The following ADK variants were observed in gnomAD, a reference collection of about 807,000 sequenced individuals.
ADK encodes N6,N6-dimethyladenosine kinase.
In ADK, 24 loss-of-function variants were observed where a neutral mutation model predicts 44.7. The ratio of observed to expected loss-of-function variants is 0.54; its 90% CI spans 0.39 to 0.76. The LOEUF (loss-of-function observed/expected upper bound fraction) is 0.76, where lower values mean the gene tolerates loss of function less well. Ranked by LOEUF, ADK falls within the 30% of genes least tolerant of loss-of-function variation. The pLI is 0.00. For missense variants in ADK, 321 were observed against 425.1 expected, an observed-to-expected ratio of 0.76 and a Z score of 2.15; for synonymous variants, 128 against 142.6, an observed-to-expected ratio of 0.90 and a Z score of 0.73.
chr10:74,626,086 A>G (rs1853191818), intron 9 of ADK, among the ~76,000 whole-genome samples: 2 of 152,310 alleles, frequency 1.3e-5, no homozygotes, highest in South Asian at 4.1e-4. Flanking sequence ...AATTCTGGTA[A>G]TAGACTCTAG....
At chr10:74,510,904 C>T (rs1490658384) in intron 6 of ADK, among the ~76,000 whole-genome samples, 1 of 152,086 alleles carries the variant, frequency 6.6e-6, no homozygotes, top group Non-Finnish European at 1.5e-5. Context: ...GATAGGGTTT[C>T]ACCATGTTGT....
At chr10:74,547,025 A>AT (rs1306984889) in intron 7 of ADK, among the ~76,000 whole-genome samples, 1 of 152,048 alleles carries the variant, frequency 6.6e-6, no homozygotes, top group Non-Finnish European at 1.5e-5. Context: ...TTTCCCACAC[A>AT]TTTTTATTTG....
intron 9 of ADK, among the ~76,000 whole-genome samples, chr10:74,644,314 T>C (rs1173100294): frequency 1.3e-5 from 2 of 152,224 alleles, no homozygotes; most frequent in Non-Finnish European, 2.9e-5. Flanking sequence ...ACAGTTCTTA[T>C]GAACAGATTC....
chr10:74,447,218 A>G (rs945853595), intron 6 of ADK, among the ~76,000 whole-genome samples: 4 of 152,166 alleles, frequency 2.6e-5, no homozygotes, highest in African/African-American at 4.8e-5. Context: ...AGGGGCTTAC[A>G]TATCATTTTA....
chr10:74,600,237 A>G (rs1589286276), intron 8 of ADK, 142 bp from the exon 9 acceptor site: 1 of 572,590 alleles, frequency 1.7e-6, no homozygotes, highest in Admixed American at 2.9e-5. Context: ...ACTTTTGTAT[A>G]TGGTTAAAGA....
chr10:74,374,602 C>T (rs1469839755), intron 4 of ADK, among the ~76,000 whole-genome samples: 1 of 152,102 alleles, frequency 6.6e-6, no homozygotes, highest in Non-Finnish European at 1.5e-5. Context: ...GCCTAATTAT[C>T]TTTCTGAAAT....
intron 10 of ADK, among the ~76,000 whole-genome samples, chr10:74,672,525 G>A (rs570262269): frequency 1.3e-5 from 2 of 152,268 alleles, no homozygotes; most frequent in East Asian, 3.9e-4. Context: ...GTAGAAACTA[G>A]GCAGGACTTT....
In ADK at chr10:74,567,486, C is replaced by G. The variant is rs913625224; in HGVS notation, c.727-21796C>G. Among the ~76,000 whole-genome samples the G allele has an allele frequency of 3.9e-5, 6 of 152,080 alleles. No homozygotes were observed. The East Asian group carries it at 9.6e-4, about 24-fold the overall frequency. On this transcript the variant is annotated intron_variant, in intron 7 of 10. Coordinates refer to ENST00000539909, the MANE Select transcript of ADK (RefSeq NM_006721.4). ...TAAATCTGCCTTTCAAATCTTAGTA[C>G]TTTCCACTCCTCTGCTCATATTTTA...
intron 9 of ADK, among the ~76,000 whole-genome samples, chr10:74,665,747 GAGAGAGAGA>G (rs1468833352): frequency 1.2e-5 from 1 of 85,866 alleles, no homozygotes; most frequent in South Asian, 6.5e-4. Context: ...GAGAGAGAGA[GAGAGAGAGA>G]GAGAGAGAGA....
At chr10:74,391,492 AAC>A (rs1028110769) in intron 4 of ADK, among the ~76,000 whole-genome samples, 3 of 151,886 alleles carry the variant, frequency 2.0e-5, no homozygotes, top group Admixed American at 6.6e-5. Flanking sequence ...AAAATTAGCA[AAC>A]ACAAAATTAT....
chr10:74,277,058 C>T (rs1267877520), intron 3 of ADK, among the ~76,000 whole-genome samples: 2 of 152,088 alleles, frequency 1.3e-5, no homozygotes, highest in African/African-American at 2.4e-5. Flanking sequence ...GCTGGGATTA[C>T]AGGCGCCTGC....
chr10:74,543,480 C>G (rs1473082582), intron 7 of ADK, among the ~76,000 whole-genome samples: 1 of 152,176 alleles, frequency 6.6e-6, no homozygotes, highest in Non-Finnish European at 1.5e-5. Context: ...AATGAATAAT[C>G]TTGTTCATAC....
At chr10:74,407,384 A>T (rs1402869233) in intron 6 of ADK, among the ~76,000 whole-genome samples, 3 of 151,686 alleles carry the variant, frequency 2.0e-5, no homozygotes, top group Non-Finnish European at 4.4e-5. Flanking sequence ...TTTGATTTGG[A>T]CCTCTTTTAC....
At chr10:74,404,908 TG>T (rs1843857864) in intron 6 of ADK, among the ~76,000 whole-genome samples, 2 of 152,206 alleles carry the variant, frequency 1.3e-5, no homozygotes, top group Admixed American at 1.3e-4. Context: ...ATGTTTCTTG[TG>T]CTTGGGTTTT....
chr10:74,468,987 G>C (rs1258292116), intron 6 of ADK, among the ~76,000 whole-genome samples: 2 of 151,952 alleles, frequency 1.3e-5, no homozygotes, highest in African/African-American at 2.4e-5. Context: ...GTGTGTGTGA[G>C]AGAGAGAGAT....
chr10:74,487,349 G>A (rs1385862996), intron 6 of ADK, among the ~76,000 whole-genome samples: 2 of 151,810 alleles, frequency 1.3e-5, no homozygotes, highest in East Asian at 1.9e-4. Context: ...AAGAAATACA[G>A]CACTTACATT....
intron 10 of ADK, among the ~76,000 whole-genome samples, chr10:74,671,338 C>T (rs1287993621): frequency 6.6e-6 from 1 of 151,954 alleles, no homozygotes; most frequent in African/African-American, 2.4e-5. Context: ...GCTGGGACCA[C>T]AGGTGCATGC....
chr10:74,688,242 G>C (rs1855861847), intron 10 of ADK, among the ~76,000 whole-genome samples: 2 of 152,024 alleles, frequency 1.3e-5, no homozygotes, highest in Non-Finnish European at 2.9e-5. Context: ...ATTCTCTCCT[G>C]TTACTCAGTT....
chr10:74,175,092 C>T (rs1591807833), intron 1 of ADK, among the ~76,000 whole-genome samples: 1 of 151,996 alleles, frequency 6.6e-6, no homozygotes, highest in African/African-American at 2.4e-5. Context: ...TTCTAGTAGC[C>T]ACATTAAAAA....
Sources: allele counts gnomAD v4.1 joint callset (sites outside exome capture counted in the v4.1 genomes callset), GRCh38; gene constraint gnomAD v4.1.1; transcripts MANE v1.5; gene names NCBI Gene and HGNC (gene_info 2026-07-23, HGNC 2026-07-21).